Variants in KCND3 observed in about 807,000 individuals in gnomAD.
The protein encoded by KCND3 is potassium voltage-gated channel subfamily D member 3.
A neutral mutation model predicts 51.1 loss-of-function variants in KCND3; 9 were observed. That is an observed-to-expected ratio of 0.18 (90% CI 0.11 to 0.31). The LOEUF is 0.31. Among genes scored for constraint, KCND3 ranks in the 10% least tolerant of loss-of-function variants. KCND3 has a pLI of 1.00. For synonymous variants in KCND3, 349 were observed against 368.0 expected (o/e 0.95, Z 0.59); for missense variants, 526 against 903.8 (o/e 0.58, Z 5.36).
chr1:111,897,409 T>G (rs1321306331), intron 2 of KCND3, among the ~76,000 whole-genome samples: 1 of 152,220 alleles, frequency 6.6e-6, no homozygotes, highest in Non-Finnish European at 1.5e-5. Flanking sequence ...TTTCAGACAT[T>G]GCATCTGGTT....
At chr1:111,801,880 C>G (rs1204320363) in intron 2 of KCND3, among the ~76,000 whole-genome samples, 1 of 152,200 alleles carries the variant, frequency 6.6e-6, no homozygotes, top group Non-Finnish European at 1.5e-5. Context: ...TACAGGGTGG[C>G]AGGACCTACA....
intron 2 of KCND3, 122 bp from the exon 3 acceptor site, chr1:111,787,228 T>C: frequency 9.7e-7 from 1 of 1,027,410 alleles, no homozygotes; most frequent in South Asian, 1.4e-5. Flanking sequence ...TTAGAGTATC[T>C]ACTATGTGCC....
At chr1:111,804,697 A>G (rs1665481069) in intron 2 of KCND3, among the ~76,000 whole-genome samples, 1 of 152,186 alleles carries the variant, frequency 6.6e-6, no homozygotes, top group South Asian at 2.1e-4. Context: ...GTATTTTGTG[A>G]CTGTTAGTTT....
intron 2 of KCND3, among the ~76,000 whole-genome samples, chr1:111,815,407 T>C (rs1325737733): frequency 6.6e-6 from 1 of 151,788 alleles, no homozygotes; most frequent in Non-Finnish European, 1.5e-5. Context: ...CAACTAGGCC[T>C]CCATGGTTGG....
Position 111,780,446 on chromosome 1 carries a change from T to A in KCND3, c.1372-132A>T. 1 of 970,648 alleles carries A rather than the reference T, an allele frequency of 1.0e-6. No homozygotes were observed. The highest frequency in any genetic ancestry group is 1.6e-6 in the Non-Finnish European group (1 of 622,142). 60.1% of individuals were successfully genotyped at this position (970,648 alleles called of 1,614,324 possible). On this transcript the variant is annotated intron_variant, in intron 4 of 7. Coordinates refer to ENST00000302127, the MANE Select transcript of KCND3 (RefSeq NM_001378969.1). The surrounding 1 kb of genome is among the most constrained non-coding windows in gnomAD (Gnocchi z 4.2). ...TTTTTTATTTGACCAAATTTCAGGG[T>A]CAGCATTGAATATGCTAACCTTTGG...
intron 6 of KCND3, among the ~76,000 whole-genome samples, chr1:111,778,144 A>T (rs1026568351): frequency 2.0e-5 from 3 of 152,330 alleles, no homozygotes; most frequent in South Asian, 2.1e-4. Flanking sequence ...GATGTGGCAC[A>T]GACAGATGTG....
At chr1:111,818,898 A>G (rs1009778341) in intron 2 of KCND3, among the ~76,000 whole-genome samples, 6 of 152,240 alleles carry the variant, frequency 3.9e-5, no homozygotes, top group Non-Finnish European at 5.9e-5. Context: ...TGTCCCGCAA[A>G]GAAGAGACCC....
rs1261785107 is a variant in KCND3, at chr1:111,776,157, G to T, written c.1888C>A (p.Arg630=). ...PPALTPEGES[R]PPPASPGPNT... is the part of the protein sequence containing the mutation. ...GGGCCTGGGCTGGCAGGGGGTGGCCGACTTTCCCCCTCTGGGGTTAGCGCT... is the reference window on the plus strand; with the variant it reads ...GGGCCTGGGCTGGCAGGGGGTGGCCTACTTTCCCCCTCTGGGGTTAGCGCT... The change falls in exon 8 of 8, where the codon CGG becomes AGG. Residue 630 remains arginine (R), a synonymous_variant. Coordinates refer to ENST00000302127, the MANE Select transcript of KCND3 (RefSeq NM_001378969.1). 1 of 1,614,188 alleles carries T rather than the reference G, an allele frequency of 6.2e-7. No individual in the cohort carries two copies. Among genetic ancestry groups the T allele is most frequent in the Admixed American group, 1.7e-5 (1 of 60,024 alleles).
At chr1:111,879,722 C>CCACTATGAGA (rs1251021135) in intron 2 of KCND3, among the ~76,000 whole-genome samples, 2 of 152,192 alleles carry the variant, frequency 1.3e-5, no homozygotes, top group African/African-American at 2.4e-5. Flanking sequence ...AAGGAGGGTA[C>CCACTATGAGA]CACTATGAGT....
intron 2 of KCND3, among the ~76,000 whole-genome samples, chr1:111,792,458 G>T (rs1227830716): frequency 6.6e-6 from 1 of 152,198 alleles, no homozygotes; most frequent in African/African-American, 2.4e-5. Context: ...TGAGGGTGGG[G>T]CTAGAGAGAG....
At chr1:111,778,003 CA>C (rs1664205129) in intron 6 of KCND3, among the ~76,000 whole-genome samples, 1 of 152,154 alleles carries the variant, frequency 6.6e-6, no homozygotes, top group Non-Finnish European at 1.5e-5. Flanking sequence ...AAGTTGACTA[CA>C]AATCTATGGC....
intron 2 of KCND3, among the ~76,000 whole-genome samples, chr1:111,838,652 G>A (rs754957401): frequency 7.9e-5 from 12 of 151,860 alleles, no homozygotes; most frequent in Admixed American, 2.0e-4. Context: ...GCGAGAGTCC[G>A]TCTCAAAAAA....
At chr1:111,927,249 A>C (rs12409006) in intron 2 of KCND3, among the ~76,000 whole-genome samples, 14,280 of 152,256 alleles carry the variant, frequency 0.094, 958 homozygotes, top group South Asian at 0.24. Context: ...GGGTGCCCAC[A>C]GGCTGAGGAG....
chr1:111,928,856 T>A (rs1233495828), intron 2 of KCND3, among the ~76,000 whole-genome samples: 1 of 152,122 alleles, frequency 6.6e-6, no homozygotes, highest in East Asian at 1.9e-4. Flanking sequence ...CCTTCCAGTG[T>A]TCGGGATGAA....
chr1:111,931,670 G>A (rs1407670421), intron 2 of KCND3, among the ~76,000 whole-genome samples: 1 of 152,228 alleles, frequency 6.6e-6, no homozygotes, highest in Non-Finnish European at 1.5e-5. Flanking sequence ...GAGCTTGTAA[G>A]TCAGCACAAA....
intron 2 of KCND3, among the ~76,000 whole-genome samples, chr1:111,932,237 C>G (rs1672009399): frequency 6.6e-6 from 1 of 152,158 alleles, no homozygotes; most frequent in African/African-American, 2.4e-5. Flanking sequence ...CCTTAATTAC[C>G]CTATGTCAGA....
chr1:111,909,095 G>A (rs1670796218), intron 2 of KCND3, among the ~76,000 whole-genome samples: 1 of 151,940 alleles, frequency 6.6e-6, no homozygotes, highest in African/African-American at 2.4e-5. Flanking sequence ...TTCTTCCTGG[G>A]CACAAGAGGG....
chr1:111,981,312 C>T lies in KCND3; in HGVS notation c.1106+309G>A, dbSNP rs746425756. Among the ~76,000 whole-genome samples, 10 of 152,086 alleles carry T rather than the reference C, an allele frequency of 6.6e-5. No individual in the cohort carries two copies. The highest frequency in any genetic ancestry group is 1.0e-4 in the Non-Finnish European group (7 of 68,030). On this transcript the variant is annotated intron_variant, in intron 2 of 7. Coordinates refer to ENST00000302127, the MANE Select transcript of KCND3 (RefSeq NM_001378969.1). The surrounding 1 kb of genome is among the most constrained non-coding windows in gnomAD (Gnocchi z 6.2). ...GCGCAAATGCATATACAAATGCAGACATCACCTCACCCCGAGACTTCACAC... is the reference window on the plus strand; with the variant it reads ...GCGCAAATGCATATACAAATGCAGATATCACCTCACCCCGAGACTTCACAC...
At chr1:111,786,665 T>C (rs1664616053) in intron 3 of KCND3, among the ~76,000 whole-genome samples, 1 of 152,126 alleles carries the variant, frequency 6.6e-6, no homozygotes, top group South Asian at 2.1e-4. Flanking sequence ...TGGCAGTGGC[T>C]GAGGGAGTGG....
Sources: gnomAD v4.1 joint callset for allele counts (sites outside exome capture counted in the v4.1 genomes callset) on GRCh38, gnomAD v4.1.1 for gene constraint, Gnocchi (gnomAD v3.1) non-coding constraint, MANE v1.5 for transcripts, NCBI Gene and HGNC (gene_info 2026-07-23, HGNC 2026-07-21) for gene names.